The following NAV1 variants were observed in gnomAD, a reference collection of about 807,000 sequenced individuals.
The protein encoded by NAV1 is neuron navigator 1.
Under a neutral mutation model 175.2 loss-of-function variants are expected in NAV1, and 18 were observed. That is an observed-to-expected ratio of 0.10 (90% confidence interval 0.07 to 0.15). NAV1 has a LOEUF of 0.15. Ranked by LOEUF, NAV1 falls within the 10% of genes least tolerant of loss-of-function variation. NAV1 has a pLI of 1.00. For synonymous variants in NAV1, 897 were observed against 978.7 expected (o/e 0.92, Z 1.56); for missense variants, 1,731 against 2,436.6 (o/e 0.71, Z 6.10).
chr1:201,676,689 A>C (rs1670267044), intron 1 of NAV1, among the ~76,000 whole-genome samples: 1 of 152,204 alleles, frequency 6.6e-6, no homozygotes. Flanking sequence ...CTGCAGCCCA[A>C]GCCCTTTCTG....
At chr1:201,770,692 A>C (rs16849319) in intron 3 of NAV1, among the ~76,000 whole-genome samples, 13,486 of 152,190 alleles carry the variant, frequency 0.089, 1,077 homozygotes, top group African/African-American at 0.21. Flanking sequence ...ATAAGGAGAA[A>C]ATAGCTGAAT....
intron 1 of NAV1, among the ~76,000 whole-genome samples, chr1:201,579,797 C>T (rs1043933471): frequency 1.7e-4 from 26 of 151,968 alleles, no homozygotes; most frequent in African/African-American, 3.9e-4. Context: ...AGAAACAGAC[C>T]GATAAGATAT....
intron 1 of NAV1, among the ~76,000 whole-genome samples, chr1:201,661,739 C>T (rs965816704): frequency 2.0e-5 from 3 of 152,164 alleles, no homozygotes; most frequent in Non-Finnish European, 2.9e-5. Context: ...TTTCAGGGAA[C>T]GACTTCCCTT....
At chr1:201,605,573 C>G (rs1053798068) in intron 2 of NAV1, among the ~76,000 whole-genome samples, 3 of 152,096 alleles carry the variant, frequency 2.0e-5, no homozygotes, top group African/African-American at 7.2e-5. Context: ...ATGTGAGGGG[C>G]AAGAATGAGA....
rs537919028 is a variant in NAV1 at position 201,642,833 on chromosome 1, C to T, written c.5-5801C>T. Among the ~76,000 whole-genome samples, 9 of 150,132 alleles carry T rather than the reference C, an allele frequency of 6.0e-5. No individual in the cohort carries two copies. The East Asian group carries it at 1.8e-3, about 30-fold the overall frequency. On this transcript the variant is annotated intron_variant, in intron 2 of 29. Transcript: ENST00000367302. Reference sequence around the variant, plus strand: ...CGCCCAGGCTGGAGTGCAGTGGCGCCATCTCGGCTCACTGCAGGCTCCACC... The same window carrying T: ...CGCCCAGGCTGGAGTGCAGTGGCGCTATCTCGGCTCACTGCAGGCTCCACC...
intron 3 of NAV1, among the ~76,000 whole-genome samples, chr1:201,727,197 A>G (rs1413341093): frequency 6.6e-6 from 1 of 152,220 alleles, no homozygotes; most frequent in African/African-American, 2.4e-5. Context: ...TTCATCAGCC[A>G]TTTGATGATA....
chr1:201,622,837 C>A (rs1196356650), upstream of NAV1: 30 of 985,694 alleles, frequency 3.0e-5, no homozygotes, highest in South Asian at 4.7e-5. Flanking sequence ...TCTTTTTTTG[C>A]CCTCTCTCCC....
chr1:201,605,210 T>A (rs1667641593), intron 2 of NAV1, among the ~76,000 whole-genome samples: 1 of 151,312 alleles, frequency 6.6e-6, no homozygotes, highest in Non-Finnish European at 1.5e-5. Context: ...GGTGTTTCTC[T>A]ACTTTCCACC....
intron 1 of NAV1, among the ~76,000 whole-genome samples, chr1:201,712,181 G>A (rs1051917823): frequency 1.3e-5 from 2 of 152,144 alleles, no homozygotes; most frequent in African/African-American, 2.4e-5. Flanking sequence ...CTAACTTCCT[G>A]GGACCCCATA....
chr1:201,609,257 G>T (rs1043101429), intron 2 of NAV1, among the ~76,000 whole-genome samples: 2 of 152,192 alleles, frequency 1.3e-5, no homozygotes, highest in South Asian at 4.1e-4. Context: ...AGCCAGCCTG[G>T]AGCTGCCTTC....
At chr1:201,584,508 AGTT>A (rs1666969025) in intron 1 of NAV1, among the ~76,000 whole-genome samples, 1 of 152,102 alleles carries the variant, frequency 6.6e-6, no homozygotes, top group Admixed American at 6.5e-5. Context: ...TCAAAGAAAA[AGTT>A]GTATAATTGT....
chr1:201,756,829 TTTCTTTCTTTCTTTCTTTCTTTC>T (rs1674516364), intron 3 of NAV1, among the ~76,000 whole-genome samples: 8 of 21,894 alleles, frequency 3.7e-4, no homozygotes, highest in Admixed American at 2.0e-3. Context: ...TCTTTCTTTC[TTTCTTTCTTTCTTTCTTTCTTTC>T]TTTCTTTCTT....
At chr1:201,664,296 C>T (rs377510081) in intron 1 of NAV1, among the ~76,000 whole-genome samples, 117 of 152,206 alleles carry the variant, frequency 7.7e-4, no homozygotes, top group African/African-American at 2.7e-3. Flanking sequence ...GAGCTGAGAT[C>T]GCGTCACTGC....
intron 1 of NAV1, among the ~76,000 whole-genome samples, chr1:201,669,114 C>G (rs1330232022): frequency 1.3e-5 from 2 of 152,228 alleles, no homozygotes; most frequent in Non-Finnish European, 2.9e-5. Flanking sequence ...TCCTCAACAC[C>G]TGTCGGGTAT....
chr1:201,568,929 AGGAAGGTCAGACTG>A (rs755369561), intron 1 of NAV1, among the ~76,000 whole-genome samples: 8 of 152,022 alleles, frequency 5.3e-5, no homozygotes, highest in Non-Finnish European at 1.2e-4. Flanking sequence ...GGTCCTAGGG[AGGAAGGTCAGACTG>A]GGAAGGTCAG....
chr1:201,550,606 T>G (rs530998666), intron 1 of NAV1, among the ~76,000 whole-genome samples: 1 of 152,370 alleles, frequency 6.6e-6, no homozygotes, highest in South Asian at 2.1e-4. Flanking sequence ...GTAAGTTATT[T>G]TCAAATAGAA....
intron 3 of NAV1, among the ~76,000 whole-genome samples, chr1:201,742,527 T>C (rs1006707649): frequency 1.3e-5 from 2 of 152,138 alleles, no homozygotes; most frequent in Non-Finnish European, 1.5e-5. Flanking sequence ...TCCTGGAGAC[T>C]CCTTCTCTTC....
In NAV1 at chr1:201,694,179, A is replaced by G. The variant is rs954003085; in HGVS notation, c.758-18638A>G. On this transcript the variant is annotated intron_variant, in intron 1 of 29. Transcript: ENST00000367296. The surrounding 1 kb of genome is among the most constrained non-coding windows in gnomAD (Gnocchi z 4.2). ...GTGCTGAGCAAAGGAGGGTGCCAGA[A>G]CACGGAGAGCTGGAGGGGACCAGCA... Among the ~76,000 whole-genome samples, 16 of 152,240 alleles carry G rather than the reference A, an allele frequency of 1.1e-4. No individual in the cohort carries two copies. Among genetic ancestry groups the G allele is most frequent in the African/African-American group, 3.9e-4 (16 of 41,478 alleles).
At chr1:201,603,850 A>G (rs1162107215) in intron 2 of NAV1, among the ~76,000 whole-genome samples, 1 of 152,194 alleles carries the variant, frequency 6.6e-6, no homozygotes, top group Non-Finnish European at 1.5e-5. Flanking sequence ...GGGCATCGGG[A>G]ACAAGGTTCT....
Sources: gnomAD v4.1 joint callset for allele counts (sites outside exome capture counted in the v4.1 genomes callset) on GRCh38, gnomAD v4.1.1 for gene constraint, Gnocchi (gnomAD v3.1) non-coding constraint, MANE v1.5 for transcripts, NCBI Gene and HGNC (gene_info 2026-07-23, HGNC 2026-07-21) for gene names.